Variants in USP3 observed in about 807,000 individuals in gnomAD.
The protein encoded by USP3 is ubiquitin specific peptidase 3, also known as ubiquitin carboxyl-terminal hydrolase 3.
A neutral mutation model predicts 72.3 loss-of-function variants in USP3; 20 were observed. That is an observed-to-expected ratio of 0.28 (90% confidence interval 0.19 to 0.40). USP3 has a LOEUF of 0.40. USP3 is among the 10% of genes least tolerant of loss of function. USP3 has a pLI of 1.00. For synonymous variants in USP3, 222 were observed against 225.3 expected (o/e 0.99, Z 0.13); for missense variants, 479 against 633.9 (o/e 0.76, Z 2.62).
Position 63,544,377 on chromosome 15 carries a change from G to C in USP3, c.284+7221G>C. The C allele has an allele frequency of 3.6e-6, 1 of 280,818 alleles. No homozygotes were observed. Among genetic ancestry groups the C allele is most frequent in the Non-Finnish European group, 6.8e-6 (1 of 147,470 alleles). 17.4% of individuals were successfully genotyped at this position (280,818 alleles called of 1,614,324 possible). A position where few individuals can be genotyped will look rare whatever the true frequency, so the allele number is the denominator to read the frequency against. On this transcript the variant is annotated intron_variant, in intron 3 of 14. Coordinates refer to ENST00000380324, the MANE Select transcript of USP3 (RefSeq NM_006537.4). This position sits in a 1 kb window ranked among gnomAD's most constrained non-coding sequence, Gnocchi z 4.2. The stretch of plus-strand genomic sequence containing the variant: ...TGTAGAGTCCAGTTAATATGAGTGA[G>C]GTCTGGTAGAAAGAAAGTAACTTTA...
At position 63,590,661 on chromosome 15, in the gene USP3, G is replaced by A; in HGVS notation, c.1398G>A (p.Gly466=). The part of the protein sequence containing the change: ...LAAVVVHHGS[G]VGSGHYTAYA... ...TTCCTTTGGTCTTTTGCCTTTACAG[G>A]GTTGGTTCTGGACATTACACAGCAT... is the stretch of plus-strand genomic sequence containing the variant. The change falls in exon 15 of 15, where the codon GGG becomes GGA. Residue 466 remains glycine (G), a splice_region_variant and synonymous_variant. Coordinates refer to ENST00000380324, the MANE Select transcript of USP3 (RefSeq NM_006537.4). The A allele has an allele frequency of 1.3e-6, 2 of 1,575,188 alleles. No homozygotes were observed. The highest frequency in any genetic ancestry group is 1.7e-6 in the Non-Finnish European group (2 of 1,160,874).
In USP3 at chr15:63,504,733, C is replaced by T. The variant is rs369657012; in HGVS notation, c.-7C>T. 1,629 of 1,601,236 alleles carry T rather than the reference C, an allele frequency of 1.0e-3. No individual in the cohort carries two copies. The highest frequency in any genetic ancestry group is 1.3e-3 in the Non-Finnish European group (1,568 of 1,174,142). ...CCGCAGTCCTCCCAGCTGCCCTCCT[C>T]GTGGCCATGGAGTGTCCACACCTGA... On this transcript the variant is annotated 5_prime_UTR_variant, in exon 1 of 15. Transcript: ENST00000380324.
At position 63,570,506 on chromosome 15, in the gene USP3, G is replaced by A. The variant is rs199612777; in HGVS notation, c.835G>A (p.Gly279Ser). 182 of 1,614,030 alleles carry A rather than the reference G, an allele frequency of 1.1e-4. No individual in the cohort carries two copies. The highest frequency in any genetic ancestry group is 1.4e-4 in the Non-Finnish European group (171 of 1,180,024). Residue 279 changes from glycine (G) to serine (S), a missense_variant, in exon 9 of 15, where the codon GGT (glycine) becomes AGT (serine). Physicochemically the swap from Gly to Ser is moderately conservative, Grantham distance 56. Transcript: ENST00000380324. This position sits in a 1 kb window ranked among gnomAD's most constrained non-coding sequence, Gnocchi z 4.4. ...CCACCTACACTTGGAACTTCAGGGC[G>A]GTTTCAACGGTGTTTCCCGCTCAGC... The part of the protein sequence containing the change: ...LDHLHLELQG[G>S]FNGVSRSAIL...
Position 63,504,960 on chromosome 15 carries a change from C to T in USP3, c.91+130C>T, listed in dbSNP as rs985653963. ...GCGAGGGCGAGCCGGGCCCGGCGGG[C>T]TGGGGAGGGTACGCGATGAGGCGGG... is the stretch of plus-strand genomic sequence containing the variant. On this transcript the variant is annotated intron_variant, in intron 1 of 14. Transcript: ENST00000380324. The T allele has an allele frequency of 1.2e-4, 73 of 596,028 alleles. No homozygotes were observed. In the African/African-American group the frequency reaches 1.4e-3, roughly 11 times the overall value. The allele number at this position is 596,028 out of a possible 1,614,324, so 36.9% of individuals were successfully genotyped here.
rs1201837712 is a variant in USP3 at position 63,529,084 on chromosome 15, C to T, written c.92-3563C>T. On this transcript the variant is annotated intron_variant, in intron 1 of 14. Transcript: ENST00000380324. This position sits in a 1 kb window ranked among gnomAD's most constrained non-coding sequence, Gnocchi z 4.2. Reference sequence around the variant, plus strand: ...TACTGTATGTTGCCCAGGCTGGCCTCGAACTCTAGGCTCAAGTGATTCTTC... The same window carrying T: ...TACTGTATGTTGCCCAGGCTGGCCTTGAACTCTAGGCTCAAGTGATTCTTC... 5 of 1,281,728 alleles carry T rather than the reference C, an allele frequency of 3.9e-6. No individual in the cohort carries two copies. The highest frequency in any genetic ancestry group is 5.6e-5 in the East Asian group (1 of 17,994). 79.4% of individuals were successfully genotyped at this position (1,281,728 alleles called of 1,614,324 possible).
intron 3 of USP3, among the ~76,000 whole-genome samples, chr15:63,543,396 T>C (rs534668891): frequency 4.6e-4 from 70 of 152,292 alleles, no homozygotes; most frequent in Non-Finnish European, 8.5e-4. Context: ...TCCAAAATAA[T>C]GTACTGGCAG....
chr15:63,564,345 C>A (rs6494412), intron 8 of USP3, among the ~76,000 whole-genome samples: 106,669 of 151,872 alleles, frequency 0.7, 38,873 homozygotes, highest in African/African-American at 0.8. Context: ...TTATACATCT[C>A]GTGGGGTAAT....
At position 63,593,690 on chromosome 15, in the gene USP3, G is replaced by T. The variant is rs1302988901; in HGVS notation, c.*2864G>T. 4.6e-5 allele frequency: 7 copies of T among 152,254 alleles called. No individual in the cohort carries two copies. The highest frequency in any genetic ancestry group is 1.0e-4 in the Non-Finnish European group (7 of 68,042). 9.4% of individuals were successfully genotyped at this position (152,254 alleles called of 1,614,324 possible). ...TCCATCTCAATTGTGCACTTGAACA[G>T]CAGTGATGTAAATGTGCTTATTTGT... is the stretch of plus-strand genomic sequence containing the variant. On this transcript the variant is annotated 3_prime_UTR_variant, in exon 15 of 15. Coordinates refer to ENST00000380324, the MANE Select transcript of USP3 (RefSeq NM_006537.4).
chr15:63,580,674 T>TA (rs1555396931), intron 11 of USP3, among the ~76,000 whole-genome samples: 4 of 131,164 alleles, frequency 3.0e-5, no homozygotes, highest in African/African-American at 1.2e-4. Flanking sequence ...TATATATGAA[T>TA]ATATAATATA....
Position 63,559,996 on chromosome 15 carries a change from T to C in USP3, c.647+26T>C, listed in dbSNP as rs1198119180. 9 of 1,589,960 alleles carry C rather than the reference T, an allele frequency of 5.7e-6. No individual in the cohort carries two copies. The East Asian group carries it at 2.0e-4, about 36-fold the overall frequency. On this transcript the variant is annotated intron_variant, in intron 7 of 14. Transcript: ENST00000380324. Reference sequence around the variant, plus strand: ...GTGAGTTATAAGAGTATGTCCTTTCTGGCTTTGAGTTACAAAACAAATTAC... The same window carrying C: ...GTGAGTTATAAGAGTATGTCCTTTCCGGCTTTGAGTTACAAAACAAATTAC...
chr15:63,512,353 CTCT>C (rs751934853), intron 1 of USP3, among the ~76,000 whole-genome samples: 138 of 45,004 alleles, frequency 3.1e-3, no homozygotes, highest in Middle Eastern at 0.013. Context: ...CCTCCTCTTC[CTCT>C]TCTTCTTCTT....
At chr15:63,562,367 C>T (rs917324986) in intron 7 of USP3, among the ~76,000 whole-genome samples, 4 of 152,084 alleles carry the variant, frequency 2.6e-5, no homozygotes, top group Admixed American at 2.0e-4. Context: ...GGACCTCCCG[C>T]AGAAAATTCC....
intron 7 of USP3, 91 bp downstream of exon 7, chr15:63,560,061 G>A: frequency 1.0e-6 from 1 of 1,002,408 alleles, no homozygotes. Flanking sequence ...GAGCTAACAG[G>A]CACATGCCTT....
chr15:63,523,886 A>G (rs773538663), intron 1 of USP3, among the ~76,000 whole-genome samples: 2 of 152,238 alleles, frequency 1.3e-5, no homozygotes, highest in Non-Finnish European at 2.9e-5. Context: ...TAGAATGCTT[A>G]TTAAGTAACA....
At chr15:63,578,334 G>A (rs1306350513) in intron 11 of USP3, among the ~76,000 whole-genome samples, 8 of 152,042 alleles carry the variant, frequency 5.3e-5, no homozygotes, top group African/African-American at 1.7e-4. Context: ...GCCAGGCGTG[G>A]TGGCTGAAGC....
At chr15:63,551,511 C>T (rs2066436230) in intron 3 of USP3, among the ~76,000 whole-genome samples, 1 of 152,044 alleles carries the variant, frequency 6.6e-6, no homozygotes, top group Admixed American at 6.5e-5. Context: ...TACAATGCTA[C>T]ATTGTTGCAT....
intron 11 of USP3, among the ~76,000 whole-genome samples, chr15:63,577,439 CA>C (rs1169916708): frequency 6.6e-6 from 1 of 152,148 alleles, no homozygotes; most frequent in East Asian, 1.9e-4. Flanking sequence ...CCAGCCTGGG[CA>C]ACATAGTGAG....
chr15:63,505,392 C>T (rs549480503), intron 1 of USP3, among the ~76,000 whole-genome samples: 4 of 152,298 alleles, frequency 2.6e-5, no homozygotes, highest in East Asian at 3.9e-4. Flanking sequence ...CTCGAAACCC[C>T]GAGAGGCGCT....
At position 63,528,905 on chromosome 15, in the gene USP3, G is replaced by C. The variant is rs1228930801; in HGVS notation, c.92-3742G>C. ...TATATTTGTCCTGGGTACATTAAAG[G>C]TTCTTAATTTGGATGAAGCATGTAT... On this transcript the variant is annotated intron_variant, in intron 1 of 14. Transcript: ENST00000380324. This position sits in a 1 kb window ranked among gnomAD's most constrained non-coding sequence, Gnocchi z 4.3. 19 of 782,386 alleles carry C rather than the reference G, an allele frequency of 2.4e-5. No homozygotes were observed. Among genetic ancestry groups the C allele is most frequent in the Admixed American group, 1.8e-4 (5 of 28,446 alleles). The allele number at this position is 782,386 out of a possible 1,614,324, so 48.5% of individuals were successfully genotyped here.
Sources: gnomAD v4.1 joint callset for allele counts (sites outside exome capture counted in the v4.1 genomes callset) on GRCh38, gnomAD v4.1.1 for gene constraint, Gnocchi (gnomAD v3.1) non-coding constraint, MANE v1.5 for transcripts, NCBI Gene and HGNC (gene_info 2026-07-23, HGNC 2026-07-21) for gene names.